STYK1: variants seen among roughly 807,000 people sequenced by gnomAD.
STYK1 encodes STY kinase 1.
A neutral mutation model predicts 48.1 loss-of-function variants in STYK1; 46 were observed. The ratio of observed to expected loss-of-function variants is 0.96; its 90% CI spans 0.75 to 1.22. The LOEUF (loss-of-function observed/expected upper bound fraction) is 1.22, where lower values mean the gene tolerates loss of function less well. Ranked by LOEUF, STYK1 falls within the 50% of genes most tolerant of loss-of-function variation. The pLI is 0.00. For synonymous variants in STYK1, 188 were observed against 189.0 expected, an observed-to-expected ratio of 0.99 and a Z score of 0.04; for missense variants, 527 against 521.1, an observed-to-expected ratio of 1.01 and a Z score of -0.11.
chr12:10,639,490 C>T (rs182971230), intron 1 of STYK1, among the ~76,000 whole-genome samples: 9 of 152,144 alleles, frequency 5.9e-5, no homozygotes, highest in Non-Finnish European at 1.3e-4. Flanking sequence ...TCTCAGCTCA[C>T]TGCAACCTCC....
At chr12:10,661,263 G>A (rs894864844) in intron 1 of STYK1, among the ~76,000 whole-genome samples, 1 of 152,120 alleles carries the variant, frequency 6.6e-6, no homozygotes, top group Non-Finnish European at 1.5e-5. Context: ...ATTAAGTGCT[G>A]TTAACCATTC....
At chr12:10,659,340 T>TA (rs1947751479) in intron 1 of STYK1, among the ~76,000 whole-genome samples, 1 of 152,214 alleles carries the variant, frequency 6.6e-6, no homozygotes, top group Non-Finnish European at 1.5e-5. Flanking sequence ...ATGCTTAACT[T>TA]ACGGAATATA....
In STYK1 at chr12:10,634,092, C is replaced by A. The variant is rs139819909; in HGVS notation, c.85G>T (p.Val29Phe). The part of the protein sequence containing the change: ...IQEKQYEVII[V>F]PTLLVTIFLI... The stretch of plus-strand genomic sequence containing the variant: ...AAGATAGTAACCAACAAAGTTGGGA[C>A]GATAATCACTTCATACTGCTTCTCC... The change falls in exon 4 of 11, where the codon GTC (valine) becomes TTC (phenylalanine). Residue 29 changes from valine to phenylalanine, a missense_variant. By Grantham distance (50) the Val-to-Phe change is conservative (BLOSUM62 -1). Coordinates refer to ENST00000075503, the MANE Select transcript of STYK1 (RefSeq NM_018423.3). 6.2e-7 allele frequency: 1 copy of A among 1,614,088 alleles called. No individual in the cohort carries two copies. The highest frequency in any genetic ancestry group is 8.5e-7 in the Non-Finnish European group (1 of 1,180,002).
At chr12:10,669,256 AGGG>A (rs926564099) in intron 1 of STYK1, among the ~76,000 whole-genome samples, 1 of 152,228 alleles carries the variant, frequency 6.6e-6, no homozygotes, top group South Asian at 2.1e-4. Flanking sequence ...TAAAAGTACA[AGGG>A]GGAATGGGGA....
intron 1 of STYK1, among the ~76,000 whole-genome samples, chr12:10,656,241 C>T (rs1256348955): frequency 1.3e-5 from 2 of 152,186 alleles, no homozygotes; most frequent in African/African-American, 4.8e-5. Context: ...GATTGTGAGG[C>T]CTCCCCAGCC....
chr12:10,622,868 C>G lies in STYK1; in HGVS notation c.927-190G>C, dbSNP rs543066461. On this transcript the variant is annotated intron_variant, in intron 8 of 10. Transcript: ENST00000075503. ...CTGCTCAATTTCCATAGGTTCGAAT[C>G]TCTTTTAAGATTGAAATTATATCTC... is the stretch of plus-strand genomic sequence containing the variant. Among the ~76,000 whole-genome samples the G allele has an allele frequency of 1.8e-3, 277 of 152,260 alleles. 1 individual carries two copies. Among genetic ancestry groups the G allele is most frequent in the Non-Finnish European group, 3.4e-3 (228 of 68,016 alleles).
Position 10,647,792 on chromosome 12 carries a change from A to G in STYK1, c.-194-10596T>C, listed in dbSNP as rs150196747. Among the ~76,000 whole-genome samples the G allele has an allele frequency of 4.8e-3, 738 of 152,244 alleles. 3 individuals carry two copies. Among genetic ancestry groups the G allele is most frequent in the Non-Finnish European group, 7.7e-3 (521 of 68,006 alleles). On this transcript the variant is annotated intron_variant, in intron 1 of 10. Coordinates refer to ENST00000075503, the MANE Select transcript of STYK1 (RefSeq NM_018423.3). ...CTTTCCTGTGCTTGTGAGAGTGAAT[A>G]AGTCTCACGAGATCTGATGGTTTTA...
intron 1 of STYK1, among the ~76,000 whole-genome samples, chr12:10,638,108 C>T (rs1005846938): frequency 1.3e-5 from 2 of 152,166 alleles, no homozygotes; most frequent in Non-Finnish European, 2.9e-5. Context: ...ATAATGAAAT[C>T]CATGGCATTG....
At chr12:10,666,601 T>C (rs936847416) in intron 1 of STYK1, among the ~76,000 whole-genome samples, 2 of 152,180 alleles carry the variant, frequency 1.3e-5, no homozygotes, top group African/African-American at 4.8e-5. Context: ...TCATCTCAAA[T>C]TGTAATCCCC....
intron 8 of STYK1, among the ~76,000 whole-genome samples, chr12:10,624,304 G>A (rs1947331377): frequency 6.6e-6 from 1 of 151,604 alleles, no homozygotes; most frequent in East Asian, 1.9e-4. Flanking sequence ...CATGCCTGTA[G>A]TCCTAGCTTC....
chr12:10,637,562 C>T (rs931350620), intron 1 of STYK1, among the ~76,000 whole-genome samples: 4 of 151,978 alleles, frequency 2.6e-5, no homozygotes, highest in East Asian at 1.9e-4. Flanking sequence ...AGGATGGTCT[C>T]GATCTCCTGA....
intron 1 of STYK1, among the ~76,000 whole-genome samples, chr12:10,637,407 T>C (rs1591684862): frequency 1.3e-5 from 2 of 150,616 alleles, no homozygotes; most frequent in Non-Finnish European, 3.0e-5. Flanking sequence ...GCGTGATCTC[T>C]GCTCACTGCA....
At chr12:10,660,841 C>T (rs952794723) in intron 1 of STYK1, among the ~76,000 whole-genome samples, 3 of 152,106 alleles carry the variant, frequency 2.0e-5, no homozygotes, top group African/African-American at 4.8e-5. Context: ...GAGGAGAAAC[C>T]CTCCGTTCTG....
intron 1 of STYK1, among the ~76,000 whole-genome samples, chr12:10,641,601 G>T (rs1000904702): frequency 6.6e-6 from 1 of 152,166 alleles, no homozygotes; most frequent in Non-Finnish European, 1.5e-5. Context: ...TGAGTCCCAG[G>T]CCCAGGCAGA....
rs755908542 is a variant in STYK1 at position 10,621,905 on chromosome 12, C to T, written c.1035G>A (p.Met345Ile). Reference protein sequence around the residue: ...ILEHLQRRKIMKRPSSCTHTM... With the variant: ...ILEHLQRRKIIKRPSSCTHTM... ...TATGTGTGCAGCTACTGGGTCTCTT[C>T]ATGATTTTCCTTCTTTGGAGATGCT... The change falls in exon 10 of 11, where the codon ATG (methionine) becomes ATA (isoleucine). Residue 345 changes from methionine (M) to isoleucine (I), a missense_variant. Coordinates refer to ENST00000075503, the MANE Select transcript of STYK1 (RefSeq NM_018423.3). The T allele has an allele frequency of 6.2e-7, 1 of 1,613,800 alleles. No individual in the cohort carries two copies. The highest frequency in any genetic ancestry group is 2.2e-5 in the East Asian group (1 of 44,874).
At position 10,629,749 on chromosome 12, in the gene STYK1, A is replaced by T; in HGVS notation, c.452-75T>A. The T allele has an allele frequency of 1.9e-6, 3 of 1,559,536 alleles. No individual in the cohort carries two copies. In the Middle Eastern group the frequency reaches 5.1e-4, roughly 263 times the overall value. On this transcript the variant is annotated intron_variant, in intron 5 of 10. Coordinates refer to ENST00000075503, the MANE Select transcript of STYK1 (RefSeq NM_018423.3). ...GAGTGGGAGGCAGGGAGCAGGAGGCAACTTAAGATGTTAATTCTCAAGGCC... is the reference window on the plus strand; with the variant it reads ...GAGTGGGAGGCAGGGAGCAGGAGGCTACTTAAGATGTTAATTCTCAAGGCC...
At chr12:10,624,071 G>T (rs1032724548) in intron 8 of STYK1, among the ~76,000 whole-genome samples, 1 of 150,966 alleles carries the variant, frequency 6.6e-6, no homozygotes, top group Non-Finnish European at 1.5e-5. Flanking sequence ...AGATATTGAT[G>T]TGAATAATCT....
chr12:10,653,645 C>T (rs896611565), intron 1 of STYK1, among the ~76,000 whole-genome samples: 6 of 152,210 alleles, frequency 3.9e-5, no homozygotes, highest in African/African-American at 1.2e-4. Context: ...ACAATCTGTA[C>T]ATCCTGTATG....
chr12:10,639,516 G>A (rs1172688208), intron 1 of STYK1, among the ~76,000 whole-genome samples: 1 of 151,966 alleles, frequency 6.6e-6, no homozygotes, highest in Non-Finnish European at 1.5e-5. Context: ...CCAGGTTCCA[G>A]CAATTCTCCT....
Sources: allele counts gnomAD v4.1 joint callset (sites outside exome capture counted in the v4.1 genomes callset), GRCh38; gene constraint gnomAD v4.1.1; transcripts MANE v1.5; gene names NCBI Gene and HGNC (gene_info 2026-07-23, HGNC 2026-07-21).